HPF1: variants seen among roughly 807,000 people sequenced by gnomAD.
HPF1 encodes the protein histone PARylation factor 1, also known as UPF0609 protein C4orf27.
In HPF1, 35 loss-of-function variants were observed where a neutral mutation model predicts 38.8. The observed-to-expected ratio is 0.90, with a 90% confidence interval of 0.69 to 1.19. The LOEUF (loss-of-function observed/expected upper bound fraction) is 1.19, where lower values mean the gene tolerates loss of function less well. Ranked by LOEUF, HPF1 falls within the 50% of genes most tolerant of loss-of-function variation. The pLI is 0.00. For missense variants in HPF1, 367 were observed against 405.8 expected (o/e 0.90, Z 0.82); for synonymous variants, 115 against 139.2 (o/e 0.83, Z 1.22).
chr4:169,731,331 G>A (rs573822526), intron 7 of HPF1, among the ~76,000 whole-genome samples: 2 of 152,176 alleles, frequency 1.3e-5, no homozygotes, highest in South Asian at 4.1e-4. Context: ...AAACGAAATG[G>A]AGCCTAAGGT....
rs55661737 is a variant in HPF1, at chr4:169,751,402, CAAAAAAAAAAA to C, written c.209-688_209-678del. On this transcript the variant is annotated intron_variant, in intron 2 of 7. Transcript: ENST00000393381. ...TGGGTGACAGGGTGAGGCTCTGTCT[CAAAAAAAAAAA>C]AAAAAAAAAGGTAAAAAACATTTCT... Among the ~76,000 whole-genome samples, 22 of 71,140 alleles carry C rather than the reference CAAAAAAAAAAA, an allele frequency of 3.1e-4. No homozygotes were observed. In the Admixed American group the frequency reaches 3.5e-3, roughly 11 times the overall value. The allele number at this position is 71,140 out of a possible 152,430, so 46.7% of individuals were successfully genotyped here.
chr4:169,757,741 T>C, intron 1 of HPF1, 89 bp downstream of exon 1: 1 of 1,221,612 alleles, frequency 8.2e-7, no homozygotes, highest in Non-Finnish European at 1.2e-6. Flanking sequence ...AGCTTAATAG[T>C]CACTGGATGA....
intron 2 of HPF1, 148 bp downstream of exon 2, chr4:169,753,528 C>T: frequency 1.5e-6 from 1 of 659,126 alleles, no homozygotes; most frequent in Non-Finnish European, 2.6e-6. Context: ...GGAGGTCTCA[C>T]TATGTTGACC....
intron 5 of HPF1, among the ~76,000 whole-genome samples, chr4:169,741,631 G>A (rs1052776261): frequency 6.6e-6 from 1 of 152,184 alleles, no homozygotes; most frequent in African/African-American, 2.4e-5. Flanking sequence ...ATTTCATTAT[G>A]TACAAAGCAG....
intron 6 of HPF1, 147 bp from the exon 7 acceptor site, chr4:169,732,023 C>G: frequency 1.8e-6 from 1 of 555,950 alleles, no homozygotes; most frequent in Non-Finnish European, 3.1e-6. Flanking sequence ...GTCTTCAGCA[C>G]TCTAATTTAG....
chr4:169,744,573 G>A (rs188105741), intron 4 of HPF1, among the ~76,000 whole-genome samples: 1 of 152,250 alleles, frequency 6.6e-6, no homozygotes, highest in East Asian at 1.9e-4. Context: ...ATGGCCCTTT[G>A]GAAATAGTGG....
intron 4 of HPF1, among the ~76,000 whole-genome samples, chr4:169,742,954 A>G (rs1253167493): frequency 6.6e-6 from 1 of 151,608 alleles, no homozygotes; most frequent in Non-Finnish European, 1.5e-5. Flanking sequence ...TACAAAAATT[A>G]GCTGGGCATG....
chr4:169,756,107 A>C (rs965814734), intron 1 of HPF1, among the ~76,000 whole-genome samples: 1 of 152,244 alleles, frequency 6.6e-6, no homozygotes, highest in Non-Finnish European at 1.5e-5. Context: ...TAGTAAAAAC[A>C]AGTAGTTAAG....
chr4:169,747,835 G>A (rs1734068606), intron 4 of HPF1, among the ~76,000 whole-genome samples: 1 of 152,326 alleles, frequency 6.6e-6, no homozygotes, highest in South Asian at 2.1e-4. Flanking sequence ...AGCTGTAGAG[G>A]CATCTGATGG....
chr4:169,750,552 G>A lies in HPF1; in HGVS notation c.382C>T (p.His128Tyr). 6.2e-7 allele frequency: 1 copy of A among 1,603,878 alleles called. No individual in the cohort carries two copies. Among genetic ancestry groups the A allele is most frequent in the Non-Finnish European group, 8.5e-7 (1 of 1,175,324 alleles). ...ATCCTTTACCTGAAATACCCCATGT[G>A]GTACTGAGTTTTATTATCTCCAATA... is the stretch of plus-strand genomic sequence containing the variant. ...IIIGDNKTQY[H>Y]MGYFRDSPDE... The change falls in exon 3 of 8, where the codon CAC becomes TAC. Residue 128 changes from histidine to tyrosine, a missense_variant. By Grantham distance (83) the His-to-Tyr change is moderately conservative. Coordinates refer to ENST00000393381, the MANE Select transcript of HPF1 (RefSeq NM_017867.3).
intron 1 of HPF1, among the ~76,000 whole-genome samples, chr4:169,754,822 G>T (rs915650769): frequency 2.6e-5 from 4 of 152,136 alleles, no homozygotes; most frequent in African/African-American, 9.7e-5. Context: ...ATAATGCCCA[G>T]GATAGGCATC....
chr4:169,750,146 TCA>T lies in HPF1; in HGVS notation c.398+388_398+389del, dbSNP rs1393344562. ...AGACAGGAAACCGAGTCACAGAAAG[TCA>T]CAGTCAGTAATGATACAGGGTCACA... On this transcript the variant is annotated intron_variant, in intron 3 of 7. Transcript: ENST00000393381. 3.3e-5 allele frequency among the ~76,000 whole-genome samples: 5 copies of T among 152,216 alleles called. No individual in the cohort carries two copies. In the East Asian group the frequency reaches 9.7e-4, roughly 29 times the overall value.
intron 4 of HPF1, among the ~76,000 whole-genome samples, chr4:169,743,953 CAGT>C (rs1734012935): frequency 6.6e-6 from 1 of 152,060 alleles, no homozygotes; most frequent in Admixed American, 6.5e-5. Flanking sequence ...GTAGAGTTAC[CAGT>C]AGAACTGGTA....
chr4:169,730,676 G>C (rs1437168390), intron 7 of HPF1, among the ~76,000 whole-genome samples: 1 of 152,214 alleles, frequency 6.6e-6, no homozygotes, highest in East Asian at 1.9e-4. Flanking sequence ...CATTGACGCT[G>C]ATGCACGCTA....
chr4:169,745,809 T>G (rs1734040644), intron 4 of HPF1, among the ~76,000 whole-genome samples: 1 of 152,156 alleles, frequency 6.6e-6, no homozygotes, highest in African/African-American at 2.4e-5. Flanking sequence ...TTAAATACAT[T>G]TGCATGTTAC....
At chr4:169,745,543 G>A (rs1225917081) in intron 4 of HPF1, among the ~76,000 whole-genome samples, 1 of 152,114 alleles carries the variant, frequency 6.6e-6, no homozygotes. Flanking sequence ...TCATACAAGG[G>A]CTTTTTTTTC....
In HPF1 at chr4:169,757,917, C is replaced by T. The variant is rs1362214505; in HGVS notation, c.-40G>A. The T allele has an allele frequency of 6.5e-6, 10 of 1,533,392 alleles. No homozygotes were observed. Among genetic ancestry groups the T allele is most frequent in the African/African-American group, 2.7e-5 (2 of 72,918 alleles). 95.0% of individuals were successfully genotyped at this position (1,533,392 alleles called of 1,614,324 possible). A position where few individuals can be genotyped will look rare whatever the true frequency, so the allele number is the denominator to read the frequency against. On this transcript the variant is annotated 5_prime_UTR_variant, in exon 1 of 8. Coordinates refer to ENST00000393381, the MANE Select transcript of HPF1 (RefSeq NM_017867.3). ...GCCAGCAGAATTCCCCGATCCGCGGCCGCTTCCGAGCGCCGCCAACCGCTT... is the reference window on the plus strand; with the variant it reads ...GCCAGCAGAATTCCCCGATCCGCGGTCGCTTCCGAGCGCCGCCAACCGCTT...
chr4:169,750,122 G>C (rs748399764), intron 3 of HPF1, among the ~76,000 whole-genome samples: 4 of 152,092 alleles, frequency 2.6e-5, no homozygotes, highest in Non-Finnish European at 4.4e-5. Flanking sequence ...ATTGTTACAA[G>C]ACAGGAAACC....
At position 169,750,735 on chromosome 4, in the gene HPF1, A is replaced by T; in HGVS notation, c.209-10T>A. The T allele has an allele frequency of 6.3e-7, 1 of 1,578,074 alleles. No individual in the cohort carries two copies. Among genetic ancestry groups the T allele is most frequent in the African/African-American group, 1.4e-5 (1 of 73,568 alleles). On this transcript the variant is annotated splice_polypyrimidine_tract_variant and intron_variant, in intron 2 of 7. Transcript: ENST00000393381. ...CTTGCAGAAAGTGAATCTATAAAGA[A>T]AATAAATTTAGACAATACTTTCTGG... is the stretch of plus-strand genomic sequence containing the variant.
Sources: allele counts gnomAD v4.1 joint callset (sites outside exome capture counted in the v4.1 genomes callset), GRCh38; gene constraint gnomAD v4.1.1; transcripts MANE v1.5; gene names NCBI Gene and HGNC (gene_info 2026-07-23, HGNC 2026-07-21).